CSMD1: variants seen among roughly 807,000 people sequenced by gnomAD.
CSMD1 encodes the protein CUB and Sushi multiple domains 1.
CSMD1 carries 213 observed loss-of-function variants against 417.5 expected under a neutral mutation model. The observed-to-expected ratio is 0.51, with a 90% confidence interval of 0.46 to 0.57. CSMD1 has a LOEUF of 0.57. Among genes scored for constraint, CSMD1 ranks in the 20% least tolerant of loss-of-function variants. The probability of loss-of-function intolerance (pLI) is 0.00; values close to 1 mark genes in which losing one functional copy is unlikely to be tolerated. For synonymous variants in CSMD1, 2,862 were observed against 1,736.8 expected, an observed-to-expected ratio of 1.65 and a Z score of -16.11; for missense variants, 6,923 against 4,529.7, an observed-to-expected ratio of 1.53 and a Z score of -15.17.
chr8:3,810,584 C>T (rs572780724), intron 5 of CSMD1, among the ~76,000 whole-genome samples: 8 of 152,288 alleles, frequency 5.3e-5, no homozygotes, highest in Admixed American at 2.0e-4. Flanking sequence ...TAGAAGGAGG[C>T]TTCTCCGACA....
intron 1 of CSMD1, among the ~76,000 whole-genome samples, chr8:4,962,854 C>G (rs1809598799): frequency 6.6e-6 from 1 of 152,126 alleles, no homozygotes; most frequent in Non-Finnish European, 1.5e-5. Context: ...TGCTTGGTGT[C>G]CTAAATGCAG....
At chr8:3,102,828 G>A (rs1192038664) in intron 46 of CSMD1, among the ~76,000 whole-genome samples, 2 of 152,200 alleles carry the variant, frequency 1.3e-5, no homozygotes, top group Non-Finnish European at 1.5e-5. Flanking sequence ...GTAACAAAGA[G>A]TTTTCCCTAG....
chr8:2,998,787 G>A (rs1807139197), intron 53 of CSMD1, among the ~76,000 whole-genome samples: 1 of 152,172 alleles, frequency 6.6e-6, no homozygotes, highest in South Asian at 2.1e-4. Flanking sequence ...AGACAGATCA[G>A]GGAGAGATAT....
intron 6 of CSMD1, among the ~76,000 whole-genome samples, chr8:3,719,374 C>T (rs1802017188): frequency 6.6e-6 from 1 of 152,140 alleles, no homozygotes; most frequent in Non-Finnish European, 1.5e-5. Flanking sequence ...ATTTTTTCAT[C>T]TGTTAAAAGA....
At chr8:4,161,121 T>TA (rs56718091) in intron 3 of CSMD1, among the ~76,000 whole-genome samples, 9,129 of 148,764 alleles carry the variant, frequency 0.061, 492 homozygotes, top group East Asian at 0.22. Flanking sequence ...ACAAATAATG[T>TA]AAAAAAAAAA....
At chr8:3,151,119 T>C (rs1819167406) in intron 40 of CSMD1, 1 of 264,574 alleles carries the variant, frequency 3.8e-6, no homozygotes, top group African/African-American at 2.2e-5. Flanking sequence ...AGATTGATAA[T>C]TGAATTAGGG....
intron 5 of CSMD1, among the ~76,000 whole-genome samples, chr8:3,897,736 A>C (rs986242665): frequency 6.6e-6 from 1 of 152,196 alleles, no homozygotes; most frequent in Non-Finnish European, 1.5e-5. Context: ...AGTTACTGCA[A>C]AAGCCTCCTC....
intron 3 of CSMD1, among the ~76,000 whole-genome samples, chr8:4,378,128 G>C (rs1399975947): frequency 6.6e-6 from 1 of 152,168 alleles, no homozygotes; most frequent in Non-Finnish European, 1.5e-5. Flanking sequence ...GGGTGGCATG[G>C]AGTGTACATG....
At chr8:4,414,743 T>C (rs1413171813) in intron 3 of CSMD1, among the ~76,000 whole-genome samples, 1 of 152,168 alleles carries the variant, frequency 6.6e-6, no homozygotes, top group Non-Finnish European at 1.5e-5. Context: ...TGTGGTTGAG[T>C]TCAGATTTTT....
At chr8:3,602,841 T>C (rs1194782258) in intron 8 of CSMD1, among the ~76,000 whole-genome samples, 1 of 152,214 alleles carries the variant, frequency 6.6e-6, no homozygotes, top group Non-Finnish European at 1.5e-5. Context: ...AACTGGGCTT[T>C]TGTTGATAAT....
intron 43 of CSMD1, among the ~76,000 whole-genome samples, chr8:3,109,170 C>A (rs1412970758): frequency 2.0e-5 from 3 of 152,184 alleles, no homozygotes; most frequent in Non-Finnish European, 2.9e-5. Flanking sequence ...CAGGCTAAGG[C>A]AGGAGAATTG....
intron 1 of CSMD1, among the ~76,000 whole-genome samples, chr8:4,852,135 C>T (rs796713567): frequency 6.6e-6 from 1 of 152,204 alleles, no homozygotes; most frequent in East Asian, 1.9e-4. Context: ...ACTGGGAACA[C>T]CATATATGTT....
At chr8:4,377,959 C>T (rs1347653821) in intron 3 of CSMD1, among the ~76,000 whole-genome samples, 2 of 152,242 alleles carry the variant, frequency 1.3e-5, no homozygotes, top group South Asian at 4.1e-4. Context: ...TTGATTATAG[C>T]AAATGATAGA....
chr8:3,254,126 A>G (rs1339022396), intron 26 of CSMD1, among the ~76,000 whole-genome samples: 4 of 152,060 alleles, frequency 2.6e-5, no homozygotes, highest in Admixed American at 2.0e-4. Context: ...TTTCTCCTTC[A>G]CTTAGGAAGC....
intron 40 of CSMD1, 115 bp from the exon 41 acceptor site, chr8:3,142,789 C>A: frequency 1.1e-6 from 1 of 900,554 alleles, no homozygotes; most frequent in East Asian, 2.4e-5. Flanking sequence ...CTCTGTGAGA[C>A]AGAACCATGC....
At chr8:4,776,743 ACACT>A (rs372046179) in intron 1 of CSMD1, among the ~76,000 whole-genome samples, 5 of 152,284 alleles carry the variant, frequency 3.3e-5, no homozygotes, top group African/African-American at 9.6e-5. Flanking sequence ...GCCACATACT[ACACT>A]CAGTTATATT....
intron 40 of CSMD1, among the ~76,000 whole-genome samples, chr8:3,143,633 C>T (rs1818648930): frequency 6.6e-6 from 1 of 152,104 alleles, no homozygotes; most frequent in Non-Finnish European, 1.5e-5. Context: ...TAAGTCCATG[C>T]AGTTAAGCTG....
At chr8:4,005,447 A>G (rs1816036976) in intron 4 of CSMD1, among the ~76,000 whole-genome samples, 4 of 152,158 alleles carry the variant, frequency 2.6e-5, no homozygotes, top group Non-Finnish European at 4.4e-5. Flanking sequence ...TTGCAGGGCC[A>G]CTGTCTCAAC....
chr8:4,811,081 G>C (rs951813297), intron 1 of CSMD1, among the ~76,000 whole-genome samples: 2 of 152,172 alleles, frequency 1.3e-5, no homozygotes, highest in African/African-American at 4.8e-5. Flanking sequence ...CCCTGTTAGA[G>C]AAAGGTATTC....
Sources: allele counts gnomAD v4.1 joint callset (sites outside exome capture counted in the v4.1 genomes callset), GRCh38; gene constraint gnomAD v4.1.1; transcripts MANE v1.5; gene names NCBI Gene and HGNC (gene_info 2026-07-23, HGNC 2026-07-21).